Variants in SKAP2 observed in about 807,000 individuals in gnomAD.
The protein encoded by SKAP2 is src kinase-associated phosphoprotein 2.
A neutral mutation model predicts 54.9 loss-of-function variants in SKAP2; 28 were observed. That is an observed-to-expected ratio of 0.51 (90% CI 0.38 to 0.70). SKAP2 has a LOEUF of 0.70. SKAP2 is among the 30% of genes least tolerant of loss of function. The pLI, the probability that SKAP2 is intolerant of heterozygous loss-of-function variation, is 0.00. For missense variants in SKAP2, 356 were observed against 424.1 expected, an observed-to-expected ratio of 0.84 and a Z score of 1.41; for synonymous variants, 137 against 134.3, an observed-to-expected ratio of 1.02 and a Z score of -0.14.
intron 4 of SKAP2, among the ~76,000 whole-genome samples, chr7:26,741,296 C>T (rs910982896): frequency 5.3e-5 from 8 of 152,136 alleles, no homozygotes; most frequent in Admixed American, 5.2e-4. Flanking sequence ...GAAGGAGGGT[C>T]GCTTGAGCCC....
At chr7:26,813,379 G>A (rs73067456) in intron 4 of SKAP2, among the ~76,000 whole-genome samples, 32,346 of 152,014 alleles carry the variant, frequency 0.21, 3,528 homozygotes, top group Non-Finnish European at 0.24. Context: ...AAAAAATGGC[G>A]TATGTAGCTG....
At chr7:26,764,698 A>G (rs1783007909) in intron 4 of SKAP2, among the ~76,000 whole-genome samples, 1 of 152,094 alleles carries the variant, frequency 6.6e-6, no homozygotes, top group African/African-American at 2.4e-5. Context: ...GCACCCATCA[A>G]CCCATCATCT....
rs765169099 is a variant in SKAP2 at position 26,864,439 on chromosome 7, C to A, written c.-10G>T. 6 of 1,597,888 alleles carry A rather than the reference C, an allele frequency of 3.8e-6. No individual in the cohort carries two copies. The African/African-American group carries it at 4.1e-5, about 11-fold the overall frequency. On this transcript the variant is annotated 5_prime_UTR_variant, in exon 1 of 13. Coordinates refer to ENST00000345317, the MANE Select transcript of SKAP2 (RefSeq NM_003930.5). Reference sequence around the variant, plus strand: ...TGCTGGGGTTGGGCATGTTAGGGAGCGCAGGGCGTGCGGGGAAAGGACCTG... The same window carrying A: ...TGCTGGGGTTGGGCATGTTAGGGAGAGCAGGGCGTGCGGGGAAAGGACCTG...
At chr7:26,805,880 A>C (rs370702883) in intron 4 of SKAP2, among the ~76,000 whole-genome samples, 6 of 152,280 alleles carry the variant, frequency 3.9e-5, no homozygotes, top group African/African-American at 1.4e-4. Flanking sequence ...CACCTTCTAC[A>C]AGTTGACGGT....
chr7:26,714,195 T>C (rs1041028520), intron 9 of SKAP2, among the ~76,000 whole-genome samples: 7 of 152,062 alleles, frequency 4.6e-5, no homozygotes, highest in Non-Finnish European at 8.8e-5. Flanking sequence ...CACGATTAGG[T>C]TGTAGTTCCT....
intron 4 of SKAP2, among the ~76,000 whole-genome samples, chr7:26,822,814 CG>C (rs1488862338): frequency 9.3e-5 from 14 of 150,538 alleles, no homozygotes; most frequent in African/African-American, 3.4e-4. Flanking sequence ...ACCCAGGAGG[CG>C]GGGCTTGCAG....
intron 1 of SKAP2, among the ~76,000 whole-genome samples, chr7:26,858,510 T>A (rs1028087445): frequency 6.6e-6 from 1 of 152,148 alleles, no homozygotes; most frequent in Non-Finnish European, 1.5e-5. Context: ...GGCTCAGCAA[T>A]CTTGAGCAGT....
intron 4 of SKAP2, among the ~76,000 whole-genome samples, chr7:26,815,185 C>T (rs1432108189): frequency 3.3e-5 from 5 of 151,502 alleles, no homozygotes; most frequent in South Asian, 2.1e-4. Context: ...TCTAAACATT[C>T]GTGACTAGGA....
At chr7:26,854,036 T>C in intron 3 of SKAP2, 101 bp downstream of exon 3, 3 of 774,326 alleles carry the variant, frequency 3.9e-6, no homozygotes, top group Non-Finnish European at 6.3e-6. Flanking sequence ...GAAATCTAAA[T>C]TTTAATTCCA....
chr7:26,714,410 A>G (rs1010492153), intron 9 of SKAP2, among the ~76,000 whole-genome samples: 2 of 152,236 alleles, frequency 1.3e-5, no homozygotes, highest in African/African-American at 4.8e-5. Flanking sequence ...TGAAGTTCTA[A>G]TAAAGAGGAA....
At chr7:26,824,573 A>G (rs1041935047) in intron 4 of SKAP2, among the ~76,000 whole-genome samples, 6 of 152,158 alleles carry the variant, frequency 3.9e-5, no homozygotes, top group Non-Finnish European at 8.8e-5. Flanking sequence ...GACACTTTGT[A>G]TACTGTCTCA....
At chr7:26,801,026 A>C (rs949683876) in intron 4 of SKAP2, among the ~76,000 whole-genome samples, 3 of 152,158 alleles carry the variant, frequency 2.0e-5, no homozygotes, top group African/African-American at 7.2e-5. Flanking sequence ...CAAAACGAGA[A>C]AAAGACGCAT....
chr7:26,791,349 A>AT (rs910571631), intron 4 of SKAP2, among the ~76,000 whole-genome samples: 10 of 149,942 alleles, frequency 6.7e-5, no homozygotes, highest in African/African-American at 1.7e-4. Flanking sequence ...AATTTTTTCT[A>AT]TTTTTTTTTA....
At chr7:26,803,621 T>C (rs912347732) in intron 4 of SKAP2, among the ~76,000 whole-genome samples, 3 of 152,176 alleles carry the variant, frequency 2.0e-5, no homozygotes, top group African/African-American at 7.2e-5. Context: ...CTGCTGGATA[T>C]ATGCCCAAAA....
At chr7:26,796,308 AC>A (rs752154735) in intron 4 of SKAP2, among the ~76,000 whole-genome samples, 1 of 149,036 alleles carries the variant, frequency 6.7e-6, no homozygotes, top group East Asian at 1.9e-4. Context: ...CTTGAGTGTT[AC>A]GAAAATCTGC....
chr7:26,813,234 C>T (rs1288643516), intron 4 of SKAP2, among the ~76,000 whole-genome samples: 1 of 152,006 alleles, frequency 6.6e-6, no homozygotes, highest in Non-Finnish European at 1.5e-5. Context: ...TATCATTGAA[C>T]CTGCTAGGCA....
At chr7:26,758,224 G>A (rs1264815817) in intron 4 of SKAP2, among the ~76,000 whole-genome samples, 1 of 148,070 alleles carries the variant, frequency 6.8e-6, no homozygotes, top group Non-Finnish European at 1.5e-5. Flanking sequence ...CTTTTGCAGA[G>A]AGGGAACAAC....
intron 10 of SKAP2, among the ~76,000 whole-genome samples, chr7:26,688,251 A>T (rs927359785): frequency 6.6e-6 from 1 of 152,174 alleles, no homozygotes; most frequent in African/African-American, 2.4e-5. Context: ...ATATTCTATA[A>T]TGTTCAAAAA....
At chr7:26,748,472 T>A (rs912188718) in intron 4 of SKAP2, among the ~76,000 whole-genome samples, 1 of 152,098 alleles carries the variant, frequency 6.6e-6, no homozygotes, top group African/African-American at 2.4e-5. Flanking sequence ...CCCTCTGTGT[T>A]TTTCTATTTT....
Sources: allele counts gnomAD v4.1 joint callset (sites outside exome capture counted in the v4.1 genomes callset), GRCh38; gene constraint gnomAD v4.1.1; transcripts MANE v1.5; gene names NCBI Gene and HGNC (gene_info 2026-07-23, HGNC 2026-07-21).